The following PLCH1 variants were observed in gnomAD, a reference collection of about 807,000 sequenced individuals.
PLCH1 encodes the protein 1-phosphatidylinositol 4,5-bisphosphate phosphodiesterase eta-1.
PLCH1 carries 60 observed loss-of-function variants against 126.7 expected under a neutral mutation model. The observed-to-expected ratio is 0.47, with a 90% CI of 0.38 to 0.59. The LOEUF is 0.59. PLCH1 is among the 20% of genes least tolerant of loss of function. The pLI is 0.00. For missense variants in PLCH1, 1,723 were observed against 2,040.0 expected (o/e 0.84, Z 2.99); for synonymous variants, 719 against 734.9 (o/e 0.98, Z 0.35).
intron 21 of PLCH1, among the ~76,000 whole-genome samples, chr3:155,462,596 T>C (rs147547801): frequency 6.6e-6 from 1 of 152,300 alleles, no homozygotes; most frequent in African/African-American, 2.4e-5. Context: ...TGGTATATAC[T>C]AATATGCAAG....
intron 1 of PLCH1, among the ~76,000 whole-genome samples, chr3:155,706,982 C>G (rs1746726606): frequency 6.6e-6 from 1 of 152,074 alleles, no homozygotes; most frequent in Non-Finnish European, 1.5e-5. Flanking sequence ...CTAATGCCCC[C>G]CAATGTGATA....
chr3:155,473,220 C>A (rs1411142672), intron 21 of PLCH1, among the ~76,000 whole-genome samples: 3 of 151,328 alleles, frequency 2.0e-5, no homozygotes, highest in African/African-American at 4.8e-5. Flanking sequence ...TGATAAGCAA[C>A]TTCAGCAAAG....
intron 8 of PLCH1, among the ~76,000 whole-genome samples, chr3:155,564,292 C>T (rs941064055): frequency 1.8e-4 from 27 of 152,038 alleles, no homozygotes; most frequent in Admixed American, 1.1e-3. Context: ...TGGCCAGGCG[C>T]GGGGGCTCAC....
intron 6 of PLCH1, among the ~76,000 whole-genome samples, chr3:155,574,212 G>GC (rs755890446): frequency 4.6e-5 from 7 of 152,126 alleles, no homozygotes; most frequent in Admixed American, 6.5e-5. Flanking sequence ...ACCATACCCA[G>GC]CCCCCCTTAC....
intron 21 of PLCH1, among the ~76,000 whole-genome samples, chr3:155,470,816 C>G (rs1197597760): frequency 2.0e-5 from 3 of 151,798 alleles, no homozygotes; most frequent in Non-Finnish European, 4.4e-5. Flanking sequence ...ATTTCATATC[C>G]AGCCAAACTA....
intron 2 of PLCH1, among the ~76,000 whole-genome samples, chr3:155,690,267 G>A (rs537891840): frequency 6.6e-6 from 1 of 152,166 alleles, no homozygotes; most frequent in Non-Finnish European, 1.5e-5. Context: ...GTTTTACTCA[G>A]AGGTTTATAA....
chr3:155,629,599 C>T (rs1304516829), intron 2 of PLCH1, among the ~76,000 whole-genome samples: 1 of 152,180 alleles, frequency 6.6e-6, no homozygotes, highest in African/African-American at 2.4e-5. Context: ...ACAGTCTTGA[C>T]TCTCCATTTG....
chr3:155,457,244 G>A (rs1712471134), intron 21 of PLCH1: 2 of 152,304 alleles, frequency 1.3e-5, no homozygotes, highest in South Asian at 2.1e-4. Context: ...GGAAAAAGGA[G>A]GATGATGGCC....
intron 13 of PLCH1, among the ~76,000 whole-genome samples, chr3:155,502,020 A>C (rs1252298273): frequency 1.3e-5 from 2 of 149,358 alleles, no homozygotes; most frequent in Admixed American, 6.6e-5. Flanking sequence ...AAACCCCCCC[A>C]AAAATCAAAC....
chr3:155,672,448 A>G (rs1466302279), intron 2 of PLCH1, among the ~76,000 whole-genome samples: 1 of 152,210 alleles, frequency 6.6e-6, no homozygotes, highest in East Asian at 1.9e-4. Context: ...GCCATATTCC[A>G]CAATGTGAAA....
At chr3:155,564,888 A>G in intron 8 of PLCH1, 27 bp downstream of exon 8, 5 of 1,516,102 alleles carry the variant, frequency 3.3e-6, no homozygotes, top group Non-Finnish European at 3.7e-6. Flanking sequence ...ACCCATACAC[A>G]CCGGAGCTCA....
chr3:155,583,415 G>A, intron 6 of PLCH1, 57 bp downstream of exon 6: 1 of 1,364,248 alleles, frequency 7.3e-7, no homozygotes, highest in Non-Finnish European at 1.0e-6. Flanking sequence ...CCAAAAGAAA[G>A]ACATATCTTT....
Position 155,492,715 on chromosome 3 carries a change from C to T in PLCH1, c.2307+14G>A, listed in dbSNP as rs773651910. 1 of 1,554,880 alleles carries T rather than the reference C, an allele frequency of 6.4e-7. No homozygotes were observed. The highest frequency in any genetic ancestry group is 8.7e-7 in the Non-Finnish European group (1 of 1,154,704). On this transcript the variant is annotated intron_variant, in intron 18 of 22. Transcript: ENST00000460012. ...ATAATTAACCACTTAGACACGTAGT[C>T]ATAGGCAACTTACCTCGCCTCGATC...
chr3:155,516,180 C>T (rs943491257), intron 11 of PLCH1, among the ~76,000 whole-genome samples: 1 of 152,164 alleles, frequency 6.6e-6, no homozygotes, highest in East Asian at 1.9e-4. Context: ...GAAGGGAACA[C>T]CCTCCTGTCA....
chr3:155,562,136 T>A (rs1200935995), intron 8 of PLCH1, among the ~76,000 whole-genome samples: 3 of 152,214 alleles, frequency 2.0e-5, no homozygotes, highest in African/African-American at 7.2e-5. Flanking sequence ...AATCTGCTCC[T>A]GTCTGCATAC....
chr3:155,582,776 C>T (rs1041136116), intron 6 of PLCH1, among the ~76,000 whole-genome samples: 1 of 152,114 alleles, frequency 6.6e-6, no homozygotes, highest in African/African-American at 2.4e-5. Flanking sequence ...TTGAATAAAA[C>T]ATTCATTTAT....
chr3:155,562,143 A>G (rs1167658401), intron 8 of PLCH1, among the ~76,000 whole-genome samples: 1 of 152,128 alleles, frequency 6.6e-6, no homozygotes, highest in African/African-American at 2.4e-5. Flanking sequence ...TCCTGTCTGC[A>G]TACTTTGTAA....
At chr3:155,716,606 T>C (rs1747528927) in intron 1 of PLCH1, among the ~76,000 whole-genome samples, 1 of 152,056 alleles carries the variant, frequency 6.6e-6, no homozygotes, top group Non-Finnish European at 1.5e-5. Flanking sequence ...TGCCACACTT[T>C]GCAACAACCA....
intron 2 of PLCH1, among the ~76,000 whole-genome samples, chr3:155,661,826 CA>C (rs369769081): frequency 6.6e-5 from 10 of 152,190 alleles, no homozygotes; most frequent in African/African-American, 2.2e-4. Context: ...TTTCCATAAG[CA>C]AGCTCAGAGC....
Sources: gnomAD v4.1 joint callset for allele counts (sites outside exome capture counted in the v4.1 genomes callset) on GRCh38, gnomAD v4.1.1 for gene constraint, MANE v1.5 for transcripts, NCBI Gene and HGNC (gene_info 2026-07-23, HGNC 2026-07-21) for gene names.